The following TENM2 variants were observed in gnomAD, a reference collection of about 807,000 sequenced individuals.
The protein encoded by TENM2 is teneurin transmembrane protein 2.
TENM2 carries 52 observed loss-of-function variants against 245.2 expected under a neutral mutation model. The ratio of observed to expected loss-of-function variants is 0.21; its 90% CI spans 0.17 to 0.27. The LOEUF is 0.27. Ranked by LOEUF, TENM2 falls within the 10% of genes least tolerant of loss-of-function variation. TENM2 has a pLI of 1.00. For missense variants in TENM2, 3,046 were observed against 3,666.8 expected (o/e 0.83, Z 4.37); for synonymous variants, 1,363 against 1,438.9 (o/e 0.95, Z 1.19).
chr5:167,807,240 G>A (rs991901618), intron 2 of TENM2, among the ~76,000 whole-genome samples: 1 of 149,962 alleles, frequency 6.7e-6, no homozygotes, highest in Non-Finnish European at 1.5e-5. Flanking sequence ...AGACTTTTTT[G>A]GGGGGTAAGG....
intron 2 of TENM2, among the ~76,000 whole-genome samples, chr5:167,487,198 C>T (rs1768128156): frequency 6.6e-6 from 1 of 152,092 alleles, no homozygotes; most frequent in East Asian, 1.9e-4. Flanking sequence ...GTATTTGTGT[C>T]ACTTTAGGGA....
intron 25 of TENM2, among the ~76,000 whole-genome samples, chr5:168,238,558 A>G (rs886531199): frequency 1.3e-5 from 2 of 152,142 alleles, no homozygotes; most frequent in African/African-American, 4.8e-5. Flanking sequence ...CCTGGAGGGG[A>G]TCCAGCCCAG....
At position 168,104,599 on chromosome 5, in the gene TENM2, A is replaced by G. The variant is rs555474640; in HGVS notation, c.1813+6472A>G. On this transcript the variant is annotated intron_variant, in intron 9 of 28. Coordinates refer to ENST00000518659, the Ensembl canonical transcript of TENM2. Reference sequence around the variant, plus strand: ...TGCGGATTTACTCTCTTGACCTCACACTGCGCCTCCCGTGCCCTCAGATGT... The same window carrying G: ...TGCGGATTTACTCTCTTGACCTCACGCTGCGCCTCCCGTGCCCTCAGATGT... Among the ~76,000 whole-genome samples, 3 of 152,288 alleles carry G rather than the reference A, an allele frequency of 2.0e-5. No homozygotes were observed. In the East Asian group the frequency reaches 5.8e-4, roughly 29 times the overall value.
chr5:167,637,082 C>T (rs960657240), intron 2 of TENM2, among the ~76,000 whole-genome samples: 1 of 152,080 alleles, frequency 6.6e-6, no homozygotes, highest in South Asian at 2.1e-4. Context: ...ACAAAATCAT[C>T]TATGATTTAA....
At chr5:167,484,001 A>C (rs2127532733) in intron 2 of TENM2, among the ~76,000 whole-genome samples, 1 of 152,316 alleles carries the variant, frequency 6.6e-6, no homozygotes, top group African/African-American at 2.4e-5. Context: ...GGGAGTGTAC[A>C]TACATGTACA....
intron 2 of TENM2, among the ~76,000 whole-genome samples, chr5:167,389,252 ATAT>A (rs1761621930): frequency 1.7e-4 from 9 of 52,330 alleles, no homozygotes; most frequent in African/African-American, 1.5e-3. Flanking sequence ...CATTTAAAAT[ATAT>A]ATATATATAT....
chr5:168,182,614 C>A (rs931658809), intron 13 of TENM2, among the ~76,000 whole-genome samples: 1 of 152,148 alleles, frequency 6.6e-6, no homozygotes, highest in Non-Finnish European at 1.5e-5. Context: ...GCCAAAAGTC[C>A]AGTACCACCC....
chr5:167,721,699 C>T (rs139902073), intron 2 of TENM2, among the ~76,000 whole-genome samples: 3 of 152,136 alleles, frequency 2.0e-5, no homozygotes, highest in Non-Finnish European at 4.4e-5. Context: ...AAAATATTCT[C>T]CCCACCTCAG....
At chr5:168,165,659 C>CCCCG (rs1758207105) in intron 13 of TENM2, among the ~76,000 whole-genome samples, 1 of 95,172 alleles carries the variant, frequency 1.1e-5, no homozygotes, top group Non-Finnish European at 2.4e-5. Flanking sequence ...CCCCCCCCCC[C>CCCCG]CCCCCGGCTG....
intron 2 of TENM2, among the ~76,000 whole-genome samples, chr5:167,410,970 A>G (rs1762878916): frequency 6.6e-6 from 1 of 152,064 alleles, no homozygotes; most frequent in African/African-American, 2.4e-5. Flanking sequence ...TTGAAACCTG[A>G]GGTTGATTAG....
chr5:167,479,815 G>A (rs2127526770), intron 2 of TENM2, among the ~76,000 whole-genome samples: 1 of 152,280 alleles, frequency 6.6e-6, no homozygotes, highest in South Asian at 2.1e-4. Context: ...TCAGTAAAAT[G>A]TTTGGTGAAA....
chr5:168,094,121 G>A (rs192644455), intron 8 of TENM2, among the ~76,000 whole-genome samples: 13 of 149,214 alleles, frequency 8.7e-5, no homozygotes, highest in South Asian at 4.3e-4. Context: ...AGTTCAGATC[G>A]AGAGCTTGGT....
chr5:167,693,350 T>A (rs1374811841), intron 2 of TENM2, among the ~76,000 whole-genome samples: 1 of 152,212 alleles, frequency 6.6e-6, no homozygotes, highest in African/African-American at 2.4e-5. Context: ...AAAAAATTCC[T>A]TCTCCAAATT....
At chr5:167,331,282 GA>G (rs1757449763) in intron 1 of TENM2, among the ~76,000 whole-genome samples, 1 of 145,516 alleles carries the variant, frequency 6.9e-6, no homozygotes, top group Non-Finnish European at 1.5e-5. Flanking sequence ...AAGGAAAAAA[GA>G]GAAGTATTAT....
intron 3 of TENM2, among the ~76,000 whole-genome samples, chr5:167,914,584 A>C (rs1776785137): frequency 6.6e-6 from 1 of 151,962 alleles, no homozygotes; most frequent in African/African-American, 2.4e-5. Context: ...ATCTCTATTC[A>C]TTTCTCAGGT....
chr5:167,587,751 G>A (rs1490727231), intron 2 of TENM2, among the ~76,000 whole-genome samples: 1 of 152,074 alleles, frequency 6.6e-6, no homozygotes, highest in Non-Finnish European at 1.5e-5. Flanking sequence ...GCTTTTTTCG[G>A]AATAAATACG....
At chr5:167,851,242 G>C (rs1770553963) in intron 2 of TENM2, among the ~76,000 whole-genome samples, 2 of 152,142 alleles carry the variant, frequency 1.3e-5, no homozygotes, top group South Asian at 4.1e-4. Context: ...TTTTATCTCA[G>C]TTTGTCCTCT....
At chr5:168,161,655 T>C (rs1210997060) in intron 12 of TENM2, among the ~76,000 whole-genome samples, 1 of 152,160 alleles carries the variant, frequency 6.6e-6, no homozygotes, top group Non-Finnish European at 1.5e-5. Flanking sequence ...GTGAGACCTT[T>C]CCCATGTCTC....
chr5:167,911,709 T>C (rs144636913), intron 3 of TENM2, among the ~76,000 whole-genome samples: 1 of 152,278 alleles, frequency 6.6e-6, no homozygotes, highest in East Asian at 1.9e-4. Flanking sequence ...CCAACAGTCA[T>C]TCACGCAGCG....
Sources: gnomAD v4.1 joint callset for allele counts (sites outside exome capture counted in the v4.1 genomes callset) on GRCh38, gnomAD v4.1.1 for gene constraint, MANE v1.5 for transcripts, NCBI Gene and HGNC (gene_info 2026-07-23, HGNC 2026-07-21) for gene names.